FRZB: variants seen among roughly 807,000 people sequenced by gnomAD.
The protein encoded by FRZB is frizzled related protein, also known as secreted frizzled-related protein 3.
In FRZB, 34 loss-of-function variants were observed where a neutral mutation model predicts 32.5. That is an observed-to-expected ratio of 1.05 (90% CI 0.80 to 1.39). The LOEUF (loss-of-function observed/expected upper bound fraction) is 1.39. Among genes scored for constraint, FRZB ranks in the 40% most tolerant of loss-of-function variants. FRZB has a pLI of 0.00. For missense variants in FRZB, 423 were observed against 424.8 expected (o/e 1.00, Z 0.04); for synonymous variants, 170 against 159.2 (o/e 1.07, Z -0.51).
At chr2:182,841,481 C>G (rs1695585800) in intron 3 of FRZB, among the ~76,000 whole-genome samples, 1 of 152,032 alleles carries the variant, frequency 6.6e-6, no homozygotes, top group Non-Finnish European at 1.5e-5. Flanking sequence ...ATAAGGTTCA[C>G]TGTAAAAGTC....
intron 2 of FRZB, among the ~76,000 whole-genome samples, chr2:182,845,532 A>T (rs1484611776): frequency 1.3e-5 from 2 of 152,186 alleles, no homozygotes; most frequent in Non-Finnish European, 2.9e-5. Context: ...TTATAAATGA[A>T]TTAGCATCTG....
At chr2:182,863,008 G>A (rs1192106816) in intron 1 of FRZB, among the ~76,000 whole-genome samples, 1 of 152,130 alleles carries the variant, frequency 6.6e-6, no homozygotes, top group Admixed American at 6.5e-5. Flanking sequence ...GACCTCAAGT[G>A]ATCCACCCGC....
Position 182,851,259 on chromosome 2 carries a change from C to T in FRZB, c.526+7527G>A, listed in dbSNP as rs77787464. ...TTACATTTCTAATGAATGGTGAGAT[C>T]GGTGGACTAAAACCAAATAAAGTTT... On this transcript the variant is annotated intron_variant, in intron 2 of 5. Coordinates refer to ENST00000295113, the MANE Select transcript of FRZB (RefSeq NM_001463.4). Among the ~76,000 whole-genome samples the T allele has an allele frequency of 4.1e-3, 620 of 152,174 alleles. 4 individuals carry two copies. The highest frequency in any genetic ancestry group is 0.014 in the African/African-American group (595 of 41,522).
At chr2:182,847,477 G>C (rs914871998) in intron 2 of FRZB, among the ~76,000 whole-genome samples, 5 of 152,212 alleles carry the variant, frequency 3.3e-5, no homozygotes, top group Non-Finnish European at 7.3e-5. Flanking sequence ...AATGAGTTCA[G>C]AGAGAAAAGG....
At chr2:182,844,980 A>C (rs997305073) in intron 2 of FRZB, among the ~76,000 whole-genome samples, 1 of 152,212 alleles carries the variant, frequency 6.6e-6, no homozygotes, top group African/African-American at 2.4e-5. Context: ...GCCATAAGCA[A>C]ATTATCTGTA....
chr2:182,856,154 AGAC>A (rs1695765982), intron 2 of FRZB, among the ~76,000 whole-genome samples: 1 of 151,990 alleles, frequency 6.6e-6, no homozygotes, highest in Non-Finnish European at 1.5e-5. Context: ...AAAGTTCTTC[AGAC>A]AGAACTTCTG....
intron 2 of FRZB, among the ~76,000 whole-genome samples, chr2:182,856,371 T>TGA (rs904411326): frequency 2.6e-5 from 4 of 151,078 alleles, no homozygotes; most frequent in Admixed American, 6.6e-5. Context: ...TGTGTGTGTG[T>TGA]GAGAGAGAGA....
intron 1 of FRZB, among the ~76,000 whole-genome samples, chr2:182,860,376 T>C (rs1168105177): frequency 1.3e-5 from 2 of 152,216 alleles, no homozygotes; most frequent in South Asian, 4.1e-4. Flanking sequence ...AGAAAAAATG[T>C]CTATTGGAAT....
At chr2:182,855,455 T>C (rs754789598) in intron 2 of FRZB, among the ~76,000 whole-genome samples, 2 of 152,078 alleles carry the variant, frequency 1.3e-5, no homozygotes, top group Admixed American at 6.6e-5. Flanking sequence ...CAAAATATAA[T>C]GAAGAATCAA....
chr2:182,856,701 A>G (rs1160362110), intron 2 of FRZB, among the ~76,000 whole-genome samples: 2 of 152,178 alleles, frequency 1.3e-5, no homozygotes, highest in Non-Finnish European at 2.9e-5. Flanking sequence ...TATAATTTAG[A>G]GCAGAGAAAA....
intron 2 of FRZB, among the ~76,000 whole-genome samples, chr2:182,845,802 G>C (rs1474205051): frequency 6.6e-6 from 1 of 152,120 alleles, no homozygotes; most frequent in Non-Finnish European, 1.5e-5. Context: ...CACTCCTCTT[G>C]CTTGATTTTT....
intron 1 of FRZB, among the ~76,000 whole-genome samples, chr2:182,863,745 T>C (rs935760597): frequency 1.4e-4 from 21 of 152,208 alleles, no homozygotes; most frequent in Admixed American, 1.3e-3. Context: ...TATTGGATAT[T>C]GCATGGTAAA....
At chr2:182,835,696 C>G (rs938474683) in intron 5 of FRZB, among the ~76,000 whole-genome samples, 5 of 152,112 alleles carry the variant, frequency 3.3e-5, no homozygotes, top group African/African-American at 7.2e-5. Context: ...TCCCAAACTT[C>G]AAACACGGAT....
At chr2:182,851,517 G>A (rs548541862) in intron 2 of FRZB, among the ~76,000 whole-genome samples, 5 of 151,968 alleles carry the variant, frequency 3.3e-5, no homozygotes, top group South Asian at 4.1e-4. Context: ...TTAGCCAGGC[G>A]TGGTGGCGGG....
chr2:182,844,890 G>A (rs1695623676), intron 2 of FRZB, among the ~76,000 whole-genome samples: 1 of 151,864 alleles, frequency 6.6e-6, no homozygotes, highest in African/African-American at 2.4e-5. Context: ...TATTTCTGCT[G>A]GTCTCCAAGG....
intron 2 of FRZB, among the ~76,000 whole-genome samples, chr2:182,848,899 C>A (rs1173674162): frequency 5.3e-5 from 8 of 152,104 alleles, no homozygotes; most frequent in Admixed American, 4.6e-4. Flanking sequence ...TGCCTCAGGG[C>A]AGAATGGGTG....
chr2:182,839,797 A>G (rs370241582), intron 3 of FRZB, among the ~76,000 whole-genome samples: 1 of 152,074 alleles, frequency 6.6e-6, no homozygotes, highest in East Asian at 1.9e-4. Flanking sequence ...TGGACATTAT[A>G]TAGAGGAAAA....
chr2:182,853,486 A>G (rs1695732660), intron 2 of FRZB, among the ~76,000 whole-genome samples: 1 of 152,240 alleles, frequency 6.6e-6, no homozygotes, highest in Non-Finnish European at 1.5e-5. Context: ...AAATAGCAAC[A>G]TTACTGGACA....
chr2:182,844,176 A>C (rs776943629), intron 2 of FRZB, among the ~76,000 whole-genome samples: 5 of 152,192 alleles, frequency 3.3e-5, no homozygotes, highest in Non-Finnish European at 5.9e-5. Context: ...GAATTCCTCA[A>C]TACCACACAC....
Sources: allele counts gnomAD v4.1 joint callset (sites outside exome capture counted in the v4.1 genomes callset), GRCh38; gene constraint gnomAD v4.1.1; transcripts MANE v1.5; gene names NCBI Gene and HGNC (gene_info 2026-07-23, HGNC 2026-07-21).